The following SAMHD1 variants were observed in gnomAD, a reference collection of about 807,000 sequenced individuals.
SAMHD1 encodes SAM and HD domain containing deoxynucleoside triphosphate triphosphohydrolase 1, also known as deoxynucleoside triphosphate triphosphohydrolase SAMHD1.
A neutral mutation model predicts 79.6 loss-of-function variants in SAMHD1; 54 were observed. The ratio of observed to expected loss-of-function variants is 0.68; its 90% CI spans 0.55 to 0.85. SAMHD1 has a LOEUF of 0.85. Among genes scored for constraint, SAMHD1 ranks in the 40% least tolerant of loss-of-function variants. SAMHD1 has a pLI of 0.00. For missense variants in SAMHD1, 663 were observed against 782.7 expected (o/e 0.85, Z 1.82); for synonymous variants, 260 against 264.1 (o/e 0.98, Z 0.15).
chr20:36,940,898 C>T (rs375501591), intron 3 of SAMHD1, 141 bp downstream of exon 3: 2 of 684,974 alleles, frequency 2.9e-6, no homozygotes. Context: ...TTAGAAAGTG[C>T]AGAAAGTTTA....
rs758709211 is a variant in SAMHD1 at position 36,898,411 on chromosome 20, T to C, written c.1608+29A>G. 51 of 1,469,890 alleles carry C rather than the reference T, an allele frequency of 3.5e-5. No homozygotes were observed. The South Asian group carries it at 4.5e-4, about 13-fold the overall frequency. 91.1% of individuals were successfully genotyped at this position (1,469,890 alleles called of 1,614,324 possible). A position where few individuals can be genotyped will look rare whatever the true frequency, so the allele number is the denominator to read the frequency against. On this transcript the variant is annotated intron_variant, in intron 14 of 15. Transcript: ENST00000646673. The stretch of plus-strand genomic sequence containing the variant: ...TATAAAGATTTGCTACATGCCACTA[T>C]AGTATATTTGTTTTGCCTAAGTAGT...
rs1600393405 is a variant in SAMHD1, at chr20:36,945,368, G to A, written c.275+1370C>T. ...TATACAACTAAAAAGTGCCTGTTTT[G>A]CATAGTGTCTTTAAATCTAATACCA... On this transcript the variant is annotated intron_variant, in intron 2 of 15. Transcript: ENST00000646673. 2.0e-5 allele frequency among the ~76,000 whole-genome samples: 3 copies of A among 152,242 alleles called. No individual in the cohort carries two copies. The East Asian group carries it at 5.8e-4, about 29-fold the overall frequency.
chr20:36,928,354 A>C (rs931053868), intron 5 of SAMHD1, among the ~76,000 whole-genome samples: 3 of 148,502 alleles, frequency 2.0e-5, no homozygotes, highest in African/African-American at 7.5e-5. Flanking sequence ...ACACCACTAC[A>C]CCCCAGCCTG....
intron 13 of SAMHD1, among the ~76,000 whole-genome samples, chr20:36,899,292 G>C (rs1050711275): frequency 1.3e-5 from 2 of 151,676 alleles, no homozygotes; most frequent in South Asian, 4.2e-4. Flanking sequence ...GCCAGACGTG[G>C]TGTTGTGCAC....
At chr20:36,896,162 C>T (rs1413631110) in intron 15 of SAMHD1, among the ~76,000 whole-genome samples, 5 of 151,804 alleles carry the variant, frequency 3.3e-5, no homozygotes, top group Non-Finnish European at 5.9e-5. Flanking sequence ...TTAGTAGAGA[C>T]GGGGTTTCAC....
At chr20:36,920,394 G>C (rs1325780791) in intron 6 of SAMHD1, among the ~76,000 whole-genome samples, 1 of 152,104 alleles carries the variant, frequency 6.6e-6, no homozygotes, top group Non-Finnish European at 1.5e-5. Flanking sequence ...AGGATTACAA[G>C]CAACTTGCCC....
intron 3 of SAMHD1, 160 bp downstream of exon 3, chr20:36,940,877 CTG>C (rs2063638923): frequency 1.5e-6 from 1 of 647,328 alleles, no homozygotes; most frequent in Non-Finnish European, 2.8e-6. Context: ...TTTAAATACT[CTG>C]TGCTCATTTT....
chr20:36,929,414 T>G (rs147419725), intron 5 of SAMHD1, among the ~76,000 whole-genome samples: 1 of 152,040 alleles, frequency 6.6e-6, no homozygotes, highest in Non-Finnish European at 1.5e-5. Flanking sequence ...ACTATAAGGA[T>G]AGAGGTAAAA....
rs1990041299 is a variant in SAMHD1 at position 36,890,415 on chromosome 20, T to TTTCTTTCTTTCTTTCTTTCTTTCTTTCC, written c.*2516_*2517insGGAAAGAAAGAAAGAAAGAAAGAAAGAA. On this transcript the variant is annotated 3_prime_UTR_variant, in exon 16 of 16. Coordinates refer to ENST00000646673, the MANE Select transcript of SAMHD1 (RefSeq NM_015474.4). ...TTCTTTCTCTTTCTTTCTTTCTTTC[T>TTTCTTTCTTTCTTTCTTTCTTTCTTTCC]TTCTTTTCTTTCTCTCTTTCCTTCC... 1 of 149,804 alleles carries TTTCTTTCTTTCTTTCTTTCTTTCTTTCC rather than the reference T, an allele frequency of 6.7e-6. No homozygotes were observed. The highest frequency in any genetic ancestry group is 2.5e-5 in the African/African-American group (1 of 40,276). 9.3% of individuals were successfully genotyped at this position (149,804 alleles called of 1,614,324 possible). A position where few individuals can be genotyped will look rare whatever the true frequency, so the allele number is the denominator to read the frequency against.
intron 6 of SAMHD1, among the ~76,000 whole-genome samples, chr20:36,920,425 C>T (rs1009231466): frequency 6.6e-6 from 1 of 152,098 alleles, no homozygotes; most frequent in African/African-American, 2.4e-5. Flanking sequence ...CTTTCCCCGC[C>T]CCCGCAGAAA....
chr20:36,950,360 C>T (rs977907765), intron 1 of SAMHD1, among the ~76,000 whole-genome samples: 21 of 151,982 alleles, frequency 1.4e-4, no homozygotes, highest in African/African-American at 4.6e-4. Flanking sequence ...TGCAATTTCC[C>T]ATACCCATTC....
Position 36,891,232 on chromosome 20 carries a change from G to C in SAMHD1, c.*1700C>G, listed in dbSNP as rs1188403118. 3 of 152,310 alleles carry C rather than the reference G, an allele frequency of 2.0e-5. No homozygotes were observed. Among genetic ancestry groups the C allele is most frequent in the African/African-American group, 4.8e-5 (2 of 41,468 alleles). The allele number at this position is 152,310 out of a possible 1,614,324, so 9.4% of individuals were successfully genotyped here. ...CTTATTATCTACTGATGGATGGACA[G>C]GGGGTGGGGTGATCATACAGGATGG... On this transcript the variant is annotated 3_prime_UTR_variant, in exon 16 of 16. Transcript: ENST00000646673.
chr20:36,927,155 T>C lies in SAMHD1; in HGVS notation c.696+27A>G, dbSNP rs534007062. On this transcript the variant is annotated intron_variant, in intron 6 of 15. Coordinates refer to ENST00000646673, the MANE Select transcript of SAMHD1 (RefSeq NM_015474.4). ...CCTGCTTAAATAGTCTTTCTTTTTA[T>C]TGACTATTGACTGTATGAATACATA... 13 of 1,567,164 alleles carry C rather than the reference T, an allele frequency of 8.3e-6. No homozygotes were observed. The East Asian group carries it at 2.7e-4, about 32-fold the overall frequency.
intron 9 of SAMHD1, among the ~76,000 whole-genome samples, chr20:36,915,512 G>A (rs1480741785): frequency 6.6e-6 from 1 of 151,354 alleles, no homozygotes; most frequent in Non-Finnish European, 1.5e-5. Context: ...TGAAGCGGGT[G>A]GATCACTTGA....
At chr20:36,924,954 C>T (rs1013356210) in intron 6 of SAMHD1, among the ~76,000 whole-genome samples, 6 of 151,654 alleles carry the variant, frequency 4.0e-5, no homozygotes, top group African/African-American at 1.5e-4. Flanking sequence ...ATCAGGAGTT[C>T]GAGACCAGCC....
At chr20:36,921,355 T>C (rs1462404011) in intron 6 of SAMHD1, among the ~76,000 whole-genome samples, 1 of 120,492 alleles carries the variant, frequency 8.3e-6, no homozygotes, top group Non-Finnish European at 1.6e-5. Flanking sequence ...ATCACGCCAC[T>C]GCACTACAGG....
chr20:36,950,054 C>T (rs1470202592), intron 1 of SAMHD1, among the ~76,000 whole-genome samples: 2 of 151,932 alleles, frequency 1.3e-5, no homozygotes, highest in African/African-American at 4.8e-5. Context: ...TTGGTCAAGA[C>T]AAAGCAGAAG....
At chr20:36,909,887 G>A (rs544114976) in intron 11 of SAMHD1, among the ~76,000 whole-genome samples, 27 of 151,906 alleles carry the variant, frequency 1.8e-4, no homozygotes, top group African/African-American at 6.3e-4. Flanking sequence ...ATAATGACAA[G>A]TCTGGGCAAC....
chr20:36,950,235 T>C (rs1022332816), intron 1 of SAMHD1, among the ~76,000 whole-genome samples: 1 of 149,544 alleles, frequency 6.7e-6, no homozygotes, highest in African/African-American at 2.5e-5. Context: ...AGACAGAAAA[T>C]ATGGAACTAC....
Sources: allele counts gnomAD v4.1 joint callset (sites outside exome capture counted in the v4.1 genomes callset), GRCh38; gene constraint gnomAD v4.1.1; transcripts MANE v1.5; gene names NCBI Gene and HGNC (gene_info 2026-07-23, HGNC 2026-07-21).